C2orf92: variants seen among roughly 807,000 people sequenced by gnomAD.
The protein encoded by C2orf92 is chromosome 2 open reading frame 92, also known as uncharacterized protein C2orf92.
rs867291921 is a variant in C2orf92 at position 97,690,331 on chromosome 2, A to G, written c.403+4A>G. ...GTGGACAAAATTCCTGATAAAGGTA[A>G]ATGCAAATGCATAAAATTGGAATTG... On this transcript the variant is annotated splice_donor_region_variant and intron_variant, in intron 5 of 7. Coordinates refer to ENST00000627399, the MANE Select transcript of C2orf92 (RefSeq NM_001351368.2). The G allele has an allele frequency of 1.3e-5, 5 of 398,916 alleles. No homozygotes were observed. The highest frequency in any genetic ancestry group is 1.8e-5 in the Non-Finnish European group (4 of 225,992). 24.7% of individuals were successfully genotyped at this position (398,916 alleles called of 1,614,324 possible).
At chr2:97,671,338 G>GGC (rs922082586) in intron 1 of C2orf92, 5 of 394,144 alleles carry the variant, frequency 1.3e-5, no homozygotes, top group African/African-American at 1.0e-4. Context: ...TAGAGTCGGG[G>GGC]GTCTCCCTAT....
chr2:97,672,826 G>A (rs993354932), intron 1 of C2orf92, among the ~76,000 whole-genome samples: 1 of 152,080 alleles, frequency 6.6e-6, no homozygotes, highest in South Asian at 2.1e-4. Context: ...TCTCTGTGGT[G>A]AGCTCCTGTT....
upstream of C2orf92, chr2:97,664,772 G>C (rs1335899530): frequency 1.8e-4 from 27 of 152,094 alleles, no homozygotes; most frequent in Non-Finnish European, 8.8e-5. Flanking sequence ...AAGGGATCTC[G>C]CTATGTTCCC....
In C2orf92 at chr2:97,674,483, A is replaced by G. The variant is rs900088705; in HGVS notation, c.74A>G (p.Lys25Arg). 1.0e-5 allele frequency: 4 copies of G among 398,514 alleles called. No individual in the cohort carries two copies. The highest frequency in any genetic ancestry group is 1.8e-5 in the Non-Finnish European group (4 of 226,082). The allele number at this position is 398,514 out of a possible 1,614,324, so 24.7% of individuals were successfully genotyped here. Residue 25 changes from lysine (K) to arginine (R), a missense_variant, in exon 2 of 8, where the codon AAG becomes AGG. By Grantham distance (26) the Lys-to-Arg change is conservative. Coordinates refer to ENST00000627399, the MANE Select transcript of C2orf92 (RefSeq NM_001351368.2). ...GAAATTGTGCTCCAAGTGTTTTCCAAGGTTCCGTATGACCCATCATTTGAT... is the reference window on the plus strand; with the variant it reads ...GAAATTGTGCTCCAAGTGTTTTCCAGGGTTCCGTATGACCCATCATTTGAT... The part of the protein sequence containing the change: ...QDEIVLQVFS[K>R]VPYDPSFDET...
chr2:97,683,261 A>G (rs1675842717), intron 3 of C2orf92, among the ~76,000 whole-genome samples: 1 of 152,206 alleles, frequency 6.6e-6, no homozygotes, highest in African/African-American at 2.4e-5. Context: ...TTACGATTAT[A>G]TCAAAAAGAA....
At chr2:97,675,643 T>G in intron 2 of C2orf92, 30 of 391,818 alleles carry the variant, frequency 7.7e-5, no homozygotes, top group East Asian at 1.8e-4. Flanking sequence ...TATGTGAAAA[T>G]GAGCTTAGCC....
At chr2:97,694,782 G>C (rs1676257571) in intron 5 of C2orf92, among the ~76,000 whole-genome samples, 1 of 152,070 alleles carries the variant, frequency 6.6e-6, no homozygotes, top group Non-Finnish European at 1.5e-5. Context: ...ATATGATTTT[G>C]GTTTTAATTT....
chr2:97,676,617 G>A (rs770821628), intron 3 of C2orf92, among the ~76,000 whole-genome samples: 41 of 151,002 alleles, frequency 2.7e-4, no homozygotes, highest in South Asian at 2.1e-3. Context: ...CCCGACACAC[G>A]ACAAATTAGC....
intron 5 of C2orf92, among the ~76,000 whole-genome samples, chr2:97,693,832 C>T (rs1470968510): frequency 6.6e-6 from 1 of 152,138 alleles, no homozygotes; most frequent in African/African-American, 2.4e-5. Context: ...TGATTTATAA[C>T]TTTTAATTAT....
At chr2:97,694,384 G>GACTACAGGC (rs1294202607) in intron 5 of C2orf92, 2 of 150,238 alleles carry the variant, frequency 1.3e-5, no homozygotes, top group Non-Finnish European at 3.0e-5. Context: ...GGACTACAGG[G>GACTACAGGC]ACTACAGGCA....
At chr2:97,680,851 G>A (rs927354991) in intron 3 of C2orf92, among the ~76,000 whole-genome samples, 12 of 152,094 alleles carry the variant, frequency 7.9e-5, no homozygotes, top group East Asian at 1.9e-4. Flanking sequence ...GCATGAACCC[G>A]GGAGGTGGAG....
intron 5 of C2orf92, among the ~76,000 whole-genome samples, 163 bp from the exon 6 acceptor site, chr2:97,698,863 A>C (rs1676400091): frequency 6.6e-6 from 1 of 152,254 alleles, no homozygotes; most frequent in African/African-American, 2.4e-5. Context: ...AAACAAAAAC[A>C]ATAAAACACC....
intron 5 of C2orf92, among the ~76,000 whole-genome samples, chr2:97,695,129 T>C (rs1373381625): frequency 1.3e-5 from 2 of 152,258 alleles, no homozygotes; most frequent in African/African-American, 2.4e-5. Context: ...CTGTTGACAC[T>C]GTCTTTTGAT....
At chr2:97,693,281 A>G (rs1001169649) in intron 5 of C2orf92, among the ~76,000 whole-genome samples, 5 of 152,208 alleles carry the variant, frequency 3.3e-5, no homozygotes, top group Admixed American at 2.0e-4. Context: ...ATAATGCTGC[A>G]ATGAATATAG....
In C2orf92 at chr2:97,696,693, G is replaced by A. The variant is rs570443287; in HGVS notation, c.404-2333G>A. Among the ~76,000 whole-genome samples the A allele has an allele frequency of 1.6e-3, 240 of 152,310 alleles. 2 individuals carry two copies. Among genetic ancestry groups the A allele is most frequent in the South Asian group, 0.014 (67 of 4,830 alleles). On this transcript the variant is annotated intron_variant, in intron 5 of 7. Coordinates refer to ENST00000627399, the MANE Select transcript of C2orf92 (RefSeq NM_001351368.2). ...GGAGGTTGCGGTGAGCCGAGATGGG[G>A]CCACTACACTCCAGCCTGGGGGACA...
upstream of C2orf92, among the ~76,000 whole-genome samples, chr2:97,667,259 C>A (rs1424544784): frequency 1.6e-5 from 2 of 126,722 alleles, no homozygotes; most frequent in Non-Finnish European, 1.6e-5. Flanking sequence ...ACCTTCAGGT[C>A]TCTTTTTTAT....
chr2:97,667,940 TG>T (rs1305302721), upstream of C2orf92: 2 of 152,152 alleles, frequency 1.3e-5, no homozygotes, highest in Non-Finnish European at 2.9e-5. Flanking sequence ...CTTCCACCCC[TG>T]GGTATTTGTA....
chr2:97,687,431 A>G (rs1377449642), intron 3 of C2orf92, among the ~76,000 whole-genome samples: 3 of 152,190 alleles, frequency 2.0e-5, no homozygotes, highest in African/African-American at 7.2e-5. Flanking sequence ...CACCACCACA[A>G]CAAAGCAAAG....
At chr2:97,689,488 C>CT (rs1491501721) in intron 4 of C2orf92, among the ~76,000 whole-genome samples, 1 of 152,188 alleles carries the variant, frequency 6.6e-6, no homozygotes, top group Non-Finnish European at 1.5e-5. Context: ...GAAGAACACA[C>CT]TGTTTCCCCA....
Sources: gnomAD v4.1 joint callset for allele counts (sites outside exome capture counted in the v4.1 genomes callset) on GRCh38, gnomAD v4.1.1 for gene constraint, MANE v1.5 for transcripts, NCBI Gene and HGNC (gene_info 2026-07-23, HGNC 2026-07-21) for gene names.